The following WDR33 variants were observed in gnomAD, a reference collection of about 807,000 sequenced individuals.
WDR33 encodes the protein pre-mRNA 3' end processing protein WDR33.
WDR33 carries 47 observed loss-of-function variants against 164.9 expected under a neutral mutation model. That is an observed-to-expected ratio of 0.29 (90% CI 0.23 to 0.36). WDR33 has a LOEUF of 0.36. Ranked by LOEUF, WDR33 falls within the 10% of genes least tolerant of loss-of-function variation. The pLI is 1.00. For synonymous variants in WDR33, 505 were observed against 589.0 expected, an observed-to-expected ratio of 0.86 and a Z score of 2.06; for missense variants, 1,137 against 1,754.1, an observed-to-expected ratio of 0.65 and a Z score of 6.28.
chr2:127,758,612 G>C (rs1041093240), intron 7 of WDR33, among the ~76,000 whole-genome samples: 2 of 152,178 alleles, frequency 1.3e-5, no homozygotes, highest in Non-Finnish European at 2.9e-5. Flanking sequence ...CTTGTTAACT[G>C]ATTCTCTTTA....
intron 1 of WDR33, among the ~76,000 whole-genome samples, chr2:127,799,879 G>A (rs1332753828): frequency 6.6e-6 from 1 of 152,166 alleles, no homozygotes; most frequent in Non-Finnish European, 1.5e-5. Context: ...GCAACAGAGT[G>A]AGACCCCGTC....
chr2:127,709,944 A>C lies in WDR33; in HGVS notation c.3309-88T>G. On this transcript the variant is annotated intron_variant, in intron 18 of 21. Transcript: ENST00000322313. This position sits in a 1 kb window ranked among gnomAD's most constrained non-coding sequence, Gnocchi z 5.0. Reference sequence around the variant, plus strand: ...TTCAAAGAAGCATATGATATGAGAAAGCATGATACAATGTTAATTGGGAGG... The same window carrying C: ...TTCAAAGAAGCATATGATATGAGAACGCATGATACAATGTTAATTGGGAGG... 1 of 1,464,850 alleles carries C rather than the reference A, an allele frequency of 6.8e-7. No individual in the cohort carries two copies. The highest frequency in any genetic ancestry group is 2.3e-5 in the East Asian group (1 of 44,022). The allele number at this position is 1,464,850 out of a possible 1,614,324, so 90.7% of individuals were successfully genotyped here.
chr2:127,788,249 A>AC (rs573765607), intron 1 of WDR33, among the ~76,000 whole-genome samples: 953 of 52,458 alleles, frequency 0.018, 33 homozygotes, highest in African/African-American at 0.075. Context: ...CAGGGGGCTG[A>AC]CCCCCCCCAC....
At chr2:127,744,949 T>G (rs190912570) in intron 7 of WDR33, among the ~76,000 whole-genome samples, 5 of 152,292 alleles carry the variant, frequency 3.3e-5, no homozygotes, top group African/African-American at 9.6e-5. Context: ...ATCTCAGTGT[T>G]GCATTTGGTC....
At chr2:127,785,795 C>A (rs11894199) in intron 1 of WDR33, among the ~76,000 whole-genome samples, 71,782 of 151,960 alleles carry the variant, frequency 0.47, 18,098 homozygotes, top group African/African-American at 0.64. Context: ...TTTGTGTGCA[C>A]GTTTTTGGGT....
chr2:127,805,408 T>G lies in WDR33; in HGVS notation c.-24+5604A>C, dbSNP rs550833831. Among the ~76,000 whole-genome samples, 10 of 152,150 alleles carry G rather than the reference T, an allele frequency of 6.6e-5. No individual in the cohort carries two copies. The East Asian group carries it at 1.9e-3, about 29-fold the overall frequency. ...CTATGAAGTATTTTTGCCAAAAATA[T>G]TTGACCCAAATTTAGTCAAACCTCT... On this transcript the variant is annotated intron_variant, in intron 1 of 21. Transcript: ENST00000322313.
intron 7 of WDR33, among the ~76,000 whole-genome samples, chr2:127,752,346 T>G (rs965856858): frequency 6.6e-6 from 1 of 150,654 alleles, no homozygotes; most frequent in Non-Finnish European, 1.5e-5. Context: ...ATCCCAGCAC[T>G]TTGGGAGGCC....
intron 1 of WDR33, among the ~76,000 whole-genome samples, chr2:127,785,261 A>G (rs896015467): frequency 6.6e-6 from 1 of 152,128 alleles, no homozygotes; most frequent in Non-Finnish European, 1.5e-5. Flanking sequence ...CCCCACCCCT[A>G]ACATCCCACA....
Position 127,721,132 on chromosome 2 carries a change from G to C in WDR33, c.1671+704C>G, listed in dbSNP as rs779056703. 6.6e-6 allele frequency among the ~76,000 whole-genome samples: 1 copy of C among 152,094 alleles called. No individual in the cohort carries two copies. The highest frequency in any genetic ancestry group is 2.4e-5 in the African/African-American group (1 of 41,424). On this transcript the variant is annotated intron_variant, in intron 15 of 21. Transcript: ENST00000322313. The surrounding 1 kb of genome is among the most constrained non-coding windows in gnomAD (Gnocchi z 4.9). ...TGTTGTTGTTGTTGTTTTTGAGACA[G>C]AGTCTCACTTTGTGGCACAGGCTGG...
chr2:127,711,751 GATATATATATAT>G (rs754454193), intron 18 of WDR33, among the ~76,000 whole-genome samples: 2 of 71,636 alleles, frequency 2.8e-5, no homozygotes, highest in East Asian at 3.2e-4. Context: ...CACATATACA[GATATATATATAT>G]ATATATATAT....
chr2:127,747,224 G>A, intron 7 of WDR33, among the ~76,000 whole-genome samples: 1 of 152,170 alleles, frequency 6.6e-6, no homozygotes, highest in East Asian at 1.9e-4. Context: ...GAAATCTGTG[G>A]TAACTCTGGA....
chr2:127,800,871 C>T (rs1214489363), intron 1 of WDR33, among the ~76,000 whole-genome samples: 1 of 152,082 alleles, frequency 6.6e-6, no homozygotes, highest in East Asian at 1.9e-4. Flanking sequence ...CACAGTATTG[C>T]CACAATAAAC....
At chr2:127,785,688 C>G (rs1193989553) in intron 1 of WDR33, among the ~76,000 whole-genome samples, 1 of 152,090 alleles carries the variant, frequency 6.6e-6, no homozygotes, top group Non-Finnish European at 1.5e-5. Context: ...TTTCGTTACT[C>G]TATGGATGTA....
At chr2:127,782,838 T>C (rs986097912) in intron 1 of WDR33, among the ~76,000 whole-genome samples, 1 of 152,158 alleles carries the variant, frequency 6.6e-6, no homozygotes, top group East Asian at 1.9e-4. Context: ...TGAAACCCCA[T>C]CTCTACTAAA....
intron 1 of WDR33, among the ~76,000 whole-genome samples, chr2:127,774,761 C>T (rs1688132524): frequency 6.6e-6 from 1 of 151,708 alleles, no homozygotes; most frequent in South Asian, 2.1e-4. Flanking sequence ...ACCCGGGAGG[C>T]GGAGCTTGCA....
At chr2:127,805,512 T>C (rs775080258) in intron 1 of WDR33, among the ~76,000 whole-genome samples, 1 of 152,080 alleles carries the variant, frequency 6.6e-6, no homozygotes, top group African/African-American at 2.4e-5. Flanking sequence ...ACATGACATT[T>C]TAAGCATACA....
chr2:127,761,233 C>T (rs1445544371), intron 7 of WDR33, among the ~76,000 whole-genome samples: 1 of 151,840 alleles, frequency 6.6e-6, no homozygotes, highest in Non-Finnish European at 1.5e-5. Flanking sequence ...CAGAGTCTCA[C>T]TCTGTTGCCC....
intron 1 of WDR33, among the ~76,000 whole-genome samples, chr2:127,775,254 TC>T (rs1427021384): frequency 6.6e-6 from 1 of 152,200 alleles, no homozygotes; most frequent in Non-Finnish European, 1.5e-5. Flanking sequence ...AGTGGCGTGA[TC>T]CCAGCTCACT....
intron 1 of WDR33, among the ~76,000 whole-genome samples, chr2:127,773,336 G>A (rs530417191): frequency 6.6e-6 from 1 of 152,128 alleles, no homozygotes; most frequent in East Asian, 1.9e-4. Context: ...ATTTCCTTTT[G>A]ATGAAATATT....
Sources: gnomAD v4.1 joint callset for allele counts (sites outside exome capture counted in the v4.1 genomes callset) on GRCh38, gnomAD v4.1.1 for gene constraint, Gnocchi (gnomAD v3.1) non-coding constraint, MANE v1.5 for transcripts, NCBI Gene and HGNC (gene_info 2026-07-23, HGNC 2026-07-21) for gene names.